Variants in STARD3 observed in about 807,000 individuals in gnomAD.
STARD3 encodes the protein StAR related lipid transfer domain containing 3.
In STARD3, 39 loss-of-function variants were observed where a neutral mutation model predicts 62.0. That is an observed-to-expected ratio of 0.63 (90% confidence interval 0.49 to 0.82). The LOEUF (loss-of-function observed/expected upper bound fraction) is 0.82. Among genes scored for constraint, STARD3 ranks in the 40% least tolerant of loss-of-function variants. The probability of loss-of-function intolerance (pLI) is 0.00; values close to 1 mark genes in which losing one functional copy is unlikely to be tolerated. For synonymous variants in STARD3, 229 were observed against 242.4 expected (o/e 0.94, Z 0.51); for missense variants, 543 against 584.5 (o/e 0.93, Z 0.73).
At chr17:39,656,398 G>T (rs2057130355) in intron 2 of STARD3, among the ~76,000 whole-genome samples, 1 of 152,214 alleles carries the variant, frequency 6.6e-6, no homozygotes, top group Non-Finnish European at 1.5e-5. Context: ...GGACATTGGA[G>T]TCAGGGCCAA....
chr17:39,660,112 G>A lies in STARD3; in HGVS notation c.796-99G>A. On this transcript the variant is annotated intron_variant, in intron 9 of 14. Transcript: ENST00000336308. The surrounding 1 kb of genome is among the most constrained non-coding windows in gnomAD (Gnocchi z 4.8). ...CCAAACTCCTGGAGTTTTCCACCCTGAGCTGTTAAAAACCTGCCCTGCCTG... is the reference window on the plus strand; with the variant it reads ...CCAAACTCCTGGAGTTTTCCACCCTAAGCTGTTAAAAACCTGCCCTGCCTG... 1 of 1,215,184 alleles carries A rather than the reference G, an allele frequency of 8.2e-7. No homozygotes were observed. The highest frequency in any genetic ancestry group is 1.2e-6 in the Non-Finnish European group (1 of 819,106). The allele number at this position is 1,215,184 out of a possible 1,614,324, so 75.3% of individuals were successfully genotyped here.
At chr17:39,649,555 T>C (rs1284112568) in intron 1 of STARD3, among the ~76,000 whole-genome samples, 2 of 152,292 alleles carry the variant, frequency 1.3e-5, no homozygotes, top group African/African-American at 4.8e-5. Flanking sequence ...CTACTGTCCA[T>C]GTAAGAAAGA....
intron 1 of STARD3, among the ~76,000 whole-genome samples, chr17:39,640,901 A>G (rs1245150128): frequency 1.3e-5 from 2 of 152,192 alleles, no homozygotes; most frequent in East Asian, 3.9e-4. Flanking sequence ...GAAAGGAGAA[A>G]CAGAGCCAGG....
chr17:39,662,406 T>C, intron 14 of STARD3, 62 bp downstream of exon 14: 1 of 1,503,822 alleles, frequency 6.6e-7, no homozygotes, highest in Non-Finnish European at 9.2e-7. Flanking sequence ...GCTGCTGACT[T>C]GGTTGCTGCA....
rs563914718 is a variant in STARD3 at position 39,654,869 on chromosome 17, A to G, written c.219+1119A>G. Among the ~76,000 whole-genome samples, 335 of 152,350 alleles carry G rather than the reference A, an allele frequency of 2.2e-3. 2 individuals carry two copies. The highest frequency in any genetic ancestry group is 7.7e-3 in the African/African-American group (322 of 41,590). ...GGGGCCAGCTCCGGGCAAAGAGATT[A>G]AGTTTGATTCTGGGCATGTTGAGCT... On this transcript the variant is annotated intron_variant, in intron 2 of 14. Transcript: ENST00000336308.
rs543523602 is a variant in STARD3, at chr17:39,660,312, C to G, written c.858+39C>G. 8.1e-6 allele frequency: 13 copies of G among 1,613,050 alleles called. No homozygotes were observed. In the East Asian group the frequency reaches 1.8e-4, roughly 22 times the overall value. ...GCGGGTGTCCTGGAGCCCCAGACAGCACAGGAGGCTCCAGGAAGGTGCCGA... is the reference window on the plus strand; with the variant it reads ...GCGGGTGTCCTGGAGCCCCAGACAGGACAGGAGGCTCCAGGAAGGTGCCGA... On this transcript the variant is annotated intron_variant, in intron 10 of 14. Transcript: ENST00000336308. The surrounding 1 kb of genome is among the most constrained non-coding windows in gnomAD (Gnocchi z 4.8).
intron 13 of STARD3, among the ~76,000 whole-genome samples, chr17:39,661,984 G>A (rs912776239): frequency 6.6e-6 from 1 of 152,186 alleles, no homozygotes; most frequent in Non-Finnish European, 1.5e-5. Context: ...TGGGAAGGTG[G>A]TGAGCTCTCT....
chr17:39,654,295 G>C (rs1426547551), intron 2 of STARD3, among the ~76,000 whole-genome samples: 11 of 152,154 alleles, frequency 7.2e-5, no homozygotes, highest in Non-Finnish European at 1.6e-4. Flanking sequence ...CCAGCCGTTT[G>C]GGAGTCTGAG....
chr17:39,640,778 A>G (rs549974060), intron 1 of STARD3, among the ~76,000 whole-genome samples: 1 of 152,280 alleles, frequency 6.6e-6, no homozygotes, highest in African/African-American at 2.4e-5. Context: ...TCAGTGTGTT[A>G]GGGTCTTCCT....
intron 1 of STARD3, among the ~76,000 whole-genome samples, chr17:39,642,258 A>G (rs934206555): frequency 3.9e-5 from 6 of 152,326 alleles, no homozygotes; most frequent in African/African-American, 1.4e-4. Flanking sequence ...CAAAGACTCA[A>G]GGTTAACTCA....
In STARD3 at chr17:39,657,134, A is replaced by G. The variant is rs191890984; in HGVS notation, c.297+49A>G. ...GGGACCCCGGAGGCAGAGAGGGAGCAGGGAAATGACTTCTGCTGGGTTCTC... is the reference window on the plus strand; with the variant it reads ...GGGACCCCGGAGGCAGAGAGGGAGCGGGGAAATGACTTCTGCTGGGTTCTC... On this transcript the variant is annotated intron_variant, in intron 3 of 14. Coordinates refer to ENST00000336308, the MANE Select transcript of STARD3 (RefSeq NM_006804.4). 1.2e-4 allele frequency: 196 copies of G among 1,573,344 alleles called. No individual in the cohort carries two copies. The African/African-American group carries it at 2.3e-3, about 18-fold the overall frequency.
intron 1 of STARD3, among the ~76,000 whole-genome samples, chr17:39,646,410 G>A (rs2057026639): frequency 6.6e-6 from 1 of 151,956 alleles, no homozygotes; most frequent in Non-Finnish European, 1.5e-5. Context: ...GTGTTACCAC[G>A]CCTGGCAAAT....
At chr17:39,638,071 C>T (rs1009154204) in intron 1 of STARD3, among the ~76,000 whole-genome samples, 4 of 152,214 alleles carry the variant, frequency 2.6e-5, no homozygotes, top group Non-Finnish European at 5.9e-5. Context: ...CTTCCTCTAC[C>T]CCAACCCAGC....
At chr17:39,656,433 G>A (rs908608964) in intron 2 of STARD3, among the ~76,000 whole-genome samples, 1 of 152,200 alleles carries the variant, frequency 6.6e-6, no homozygotes, top group African/African-American at 2.4e-5. Context: ...TGGTGAAAAT[G>A]TCTGGTGGGC....
intron 3 of STARD3, 117 bp downstream of exon 3, chr17:39,657,202 A>T (rs2057139793): frequency 8.1e-6 from 8 of 983,190 alleles, no homozygotes; most frequent in Non-Finnish European, 1.2e-5. Flanking sequence ...CTCGGCTCCC[A>T]TCCTTCGGGA....
rs2057187903 is a variant in STARD3, at chr17:39,660,760, G to A, written c.955-50G>A. The stretch of plus-strand genomic sequence containing the variant: ...GGGGCCTGGGGTGTTCCCATCCCTG[G>A]GGTTTTCCTGGGGCGACCTGTTCCA... On this transcript the variant is annotated intron_variant, in intron 11 of 14. Coordinates refer to ENST00000336308, the MANE Select transcript of STARD3 (RefSeq NM_006804.4). This position sits in a 1 kb window ranked among gnomAD's most constrained non-coding sequence, Gnocchi z 4.8. 2 of 1,539,052 alleles carry A rather than the reference G, an allele frequency of 1.3e-6. No homozygotes were observed. Among genetic ancestry groups the A allele is most frequent in the Non-Finnish European group, 8.8e-7 (1 of 1,142,710 alleles).
intron 9 of STARD3, 170 bp downstream of exon 9, chr17:39,659,723 T>G: frequency 1.5e-6 from 1 of 658,176 alleles, no homozygotes; most frequent in Non-Finnish European, 2.5e-6. Context: ...GATTGGACGT[T>G]TCCCCCGTGC....
chr17:39,644,672 C>CAAAAA (rs3029516), intron 1 of STARD3, among the ~76,000 whole-genome samples: 13 of 112,460 alleles, frequency 1.2e-4, no homozygotes, highest in African/African-American at 5.0e-4. Flanking sequence ...CCTGTCTCTA[C>CAAAAA]AAAAAAAAAA....
Position 39,659,038 on chromosome 17 carries a change from C to T in STARD3, c.647-13C>T, listed in dbSNP as rs755398806. On this transcript the variant is annotated splice_polypyrimidine_tract_variant and intron_variant, in intron 7 of 14. Coordinates refer to ENST00000336308, the MANE Select transcript of STARD3 (RefSeq NM_006804.4). ...CACCCCTTGCCATTGTCATCTGTGC[C>T]TGTTTTCTGCAGGGTCTGACAATGA... 6.2e-7 allele frequency: 1 copy of T among 1,614,202 alleles called. No homozygotes were observed. The highest frequency in any genetic ancestry group is 1.1e-5 in the South Asian group (1 of 91,092).
Sources: gnomAD v4.1 joint callset for allele counts (sites outside exome capture counted in the v4.1 genomes callset) on GRCh38, gnomAD v4.1.1 for gene constraint, Gnocchi (gnomAD v3.1) non-coding constraint, MANE v1.5 for transcripts, NCBI Gene and HGNC (gene_info 2026-07-23, HGNC 2026-07-21) for gene names.